Variants in MAP4K4 observed in about 807,000 individuals in gnomAD.
MAP4K4 encodes the protein HPK/GCK-like kinase HGK.
A neutral mutation model predicts 189.6 loss-of-function variants in MAP4K4; 38 were observed. The ratio of observed to expected loss-of-function variants is 0.20; its 90% CI spans 0.15 to 0.26. The LOEUF (loss-of-function observed/expected upper bound fraction) is 0.26. Ranked by LOEUF, MAP4K4 falls within the 10% of genes least tolerant of loss-of-function variation. The pLI is 1.00. For missense variants in MAP4K4, 1,054 were observed against 1,726.9 expected, an observed-to-expected ratio of 0.61 and a Z score of 6.91; for synonymous variants, 610 against 624.3, an observed-to-expected ratio of 0.98 and a Z score of 0.34.
At chr2:101,824,396 A>C (rs1007675116) in intron 4 of MAP4K4, among the ~76,000 whole-genome samples, 1 of 152,232 alleles carries the variant, frequency 6.6e-6, no homozygotes, top group Non-Finnish European at 1.5e-5. Flanking sequence ...TTAATTTGAA[A>C]GCTCAGTAAA....
At chr2:101,887,556 G>A (rs1422905472) in intron 30 of MAP4K4, among the ~76,000 whole-genome samples, 1 of 152,180 alleles carries the variant, frequency 6.6e-6, no homozygotes. Flanking sequence ...AGCATCCAAT[G>A]TTTCATGGGC....
intron 2 of MAP4K4, among the ~76,000 whole-genome samples, chr2:101,707,409 A>G (rs958230933): frequency 6.6e-6 from 1 of 151,816 alleles, no homozygotes; most frequent in Non-Finnish European, 1.5e-5. Flanking sequence ...GGGTTTGACT[A>G]TGTTGGCCAG....
At chr2:101,785,703 T>TTTTCCTTTTTTGAGTTGGAGTCTTG (rs1558913963) in intron 2 of MAP4K4, among the ~76,000 whole-genome samples, 89 of 5,320 alleles carry the variant, frequency 0.017, 2 homozygotes, top group East Asian at 0.035. Flanking sequence ...TCTCTCTCTC[T>TTTTCCTTTTTTGAGTTGGAGTCTTG]CTCTCTCTCT....
chr2:101,730,695 C>T (rs1183856958), intron 2 of MAP4K4, among the ~76,000 whole-genome samples: 1 of 152,132 alleles, frequency 6.6e-6, no homozygotes, highest in Non-Finnish European at 1.5e-5. Context: ...AATTTTTCCC[C>T]TTAAGACTAT....
exon 33 of MAP4K4, chr2:101,894,497 C>T (rs1179631222): frequency 2.0e-5 from 3 of 152,648 alleles, no homozygotes; most frequent in Non-Finnish European, 4.4e-5. Flanking sequence ...CCTAATTTTG[C>T]CAATTATTAA....
chr2:101,836,378 A>G (rs2096752911), intron 9 of MAP4K4, among the ~76,000 whole-genome samples: 1 of 152,288 alleles, frequency 6.6e-6, no homozygotes, highest in Admixed American at 6.5e-5. Context: ...TGAGGTCAGG[A>G]GTTCAAGACC....
At chr2:101,855,551 T>G (rs372615019) in intron 12 of MAP4K4, among the ~76,000 whole-genome samples, 16 of 152,294 alleles carry the variant, frequency 1.1e-4, no homozygotes, top group African/African-American at 2.6e-4. Context: ...GATGTGTGCT[T>G]CTTTTTTTCC....
chr2:101,760,677 G>A (rs1324775708), intron 2 of MAP4K4, among the ~76,000 whole-genome samples: 2 of 151,906 alleles, frequency 1.3e-5, no homozygotes, highest in African/African-American at 2.4e-5. Context: ...GTTTGGAGAG[G>A]CAGAGGTAAA....
At position 101,832,269 on chromosome 2, in the gene MAP4K4, A is replaced by C. The variant is rs563723454; in HGVS notation, c.639+418A>C. On this transcript the variant is annotated intron_variant, in intron 7 of 32. Transcript: ENST00000324219. The stretch of plus-strand genomic sequence containing the variant: ...CTTTACAGCTTTTATTTGGTACACA[A>C]ATTTATTTAAATTATTAGAGTGACC... Among the ~76,000 whole-genome samples, 7 of 152,324 alleles carry C rather than the reference A, an allele frequency of 4.6e-5. No homozygotes were observed. In the South Asian group the frequency reaches 1.0e-3, roughly 23 times the overall value.
intron 31 of MAP4K4, 104 bp downstream of exon 31, chr2:101,888,041 T>A (rs778528001): frequency 2.8e-6 from 3 of 1,055,640 alleles, no homozygotes; most frequent in African/African-American, 1.6e-5. Context: ...ACCTTTTGAC[T>A]ACCATTGAAC....
intron 8 of MAP4K4, 66 bp from the exon 9 acceptor site, chr2:101,835,834 T>C (rs949236741): frequency 8.6e-5 from 93 of 1,081,612 alleles, no homozygotes; most frequent in Admixed American, 3.9e-4. Context: ...TATTTATGAC[T>C]GAACCCTAGA....
exon 27 of MAP4K4, chr2:101,877,080 A>G: frequency 6.2e-7 from 1 of 1,613,974 alleles, no homozygotes; most frequent in Non-Finnish European, 8.5e-7. Context: ...CTATCCTCTT[A>G]TCAACCGAAG....
At chr2:101,797,889 G>T (rs200685049) in intron 3 of MAP4K4, among the ~76,000 whole-genome samples, 71 of 52,288 alleles carry the variant, frequency 1.4e-3, no homozygotes, top group Middle Eastern at 0.016. Flanking sequence ...CATTCTTTTA[G>T]TTTTTTTTTT....
rs77812635 is a variant in MAP4K4 at position 101,797,935 on chromosome 2, C to T, written c.180+7159C>T. Among the ~76,000 whole-genome samples, 745 of 97,092 alleles carry T rather than the reference C, an allele frequency of 7.7e-3. 40 individuals are homozygous for T. The East Asian group carries it at 0.17, about 23-fold the overall frequency. The allele number at this position is 97,092 out of a possible 152,430, so 63.7% of individuals were successfully genotyped here. On this transcript the variant is annotated intron_variant, in intron 3 of 32. Transcript: ENST00000324219. ...TGGAGACCAAGGTCTTACTCTGTTG[C>T]CCAAGCTAGAGTGCACAAGTCTAGC...
At chr2:101,709,175 C>G (rs577102928) in intron 2 of MAP4K4, among the ~76,000 whole-genome samples, 2 of 152,256 alleles carry the variant, frequency 1.3e-5, no homozygotes, top group South Asian at 4.1e-4. Context: ...TTATCTTCCC[C>G]AGTCTTATTA....
chr2:101,882,380 T>A (rs1282724857), intron 27 of MAP4K4, among the ~76,000 whole-genome samples, 171 bp from the exon 28 acceptor site: 1 of 152,178 alleles, frequency 6.6e-6, no homozygotes, highest in Admixed American at 6.5e-5. Flanking sequence ...TATTCTGGAT[T>A]ATGACTCCCT....
chr2:101,748,479 A>G (rs1331664678), intron 2 of MAP4K4, among the ~76,000 whole-genome samples: 1 of 152,098 alleles, frequency 6.6e-6, no homozygotes, highest in Non-Finnish European at 1.5e-5. Context: ...CCATTTCTTG[A>G]CTCTGAATTT....
At chr2:101,771,022 C>G (rs2081187050) in intron 2 of MAP4K4, among the ~76,000 whole-genome samples, 1 of 152,176 alleles carries the variant, frequency 6.6e-6, no homozygotes, top group Non-Finnish European at 1.5e-5. Context: ...TTAACAGCCT[C>G]ATGGCAGGAA....
At chr2:101,737,911 G>A (rs73943749) in intron 2 of MAP4K4, among the ~76,000 whole-genome samples, 2,232 of 152,132 alleles carry the variant, frequency 0.015, 60 homozygotes, top group African/African-American at 0.051. Context: ...AAATGGTGAG[G>A]AATGCCATGA....
Sources: allele counts gnomAD v4.1 joint callset (sites outside exome capture counted in the v4.1 genomes callset), GRCh38; gene constraint gnomAD v4.1.1; transcripts MANE v1.5; gene names NCBI Gene and HGNC (gene_info 2026-07-23, HGNC 2026-07-21).